The following GRIA2 variants were observed in gnomAD, a reference collection of about 807,000 sequenced individuals.
GRIA2 encodes glutamate ionotropic receptor AMPA type subunit 2, also known as glutamate receptor 2.
GRIA2 carries 14 observed loss-of-function variants against 97.3 expected under a neutral mutation model. The observed-to-expected ratio is 0.14, with a 90% CI of 0.10 to 0.23. The LOEUF is 0.23. GRIA2 is among the 10% of genes least tolerant of loss of function. The pLI is 1.00. For missense variants in GRIA2, 558 were observed against 1,069.8 expected, an observed-to-expected ratio of 0.52 and a Z score of 6.67; for synonymous variants, 412 against 387.8, an observed-to-expected ratio of 1.06 and a Z score of -0.73.
chr4:157,355,931 ATTTATATATT>A (rs1560781142), intron 12 of GRIA2, among the ~76,000 whole-genome samples: 3 of 42,426 alleles, frequency 7.1e-5, no homozygotes, highest in East Asian at 1.1e-3. Flanking sequence ...ATTTATATAT[ATTTATATATT>A]AATATATATT....
intron 2 of GRIA2, among the ~76,000 whole-genome samples, chr4:157,292,798 T>G (rs748536236): frequency 6.6e-6 from 1 of 152,144 alleles, no homozygotes; most frequent in Non-Finnish European, 1.5e-5. Flanking sequence ...TCAGGCTGCC[T>G]GGGTTGACAC....
At position 157,361,864 on chromosome 4, in the gene GRIA2, T is replaced by C. The variant is rs143751013; in HGVS notation, c.2406+740T>C. On this transcript the variant is annotated intron_variant, in intron 14 of 15. Transcript: ENST00000264426. The surrounding 1 kb of genome is among the most constrained non-coding windows in gnomAD (Gnocchi z 5.2). ...TTTTAAATATAGTATATGCATTTAA[T>C]ATATTTATTTCAGTCTGTGTTCATG... Among the ~76,000 whole-genome samples the C allele has an allele frequency of 2.6e-5, 4 of 152,338 alleles. No homozygotes were observed. In the East Asian group the frequency reaches 7.7e-4, roughly 29 times the overall value.
chr4:157,233,304 A>G (rs1730104751), intron 2 of GRIA2, among the ~76,000 whole-genome samples: 1 of 152,114 alleles, frequency 6.6e-6, no homozygotes, highest in African/African-American at 2.4e-5. Context: ...CTTCCCCTTT[A>G]TTGCATGTCA....
intron 2 of GRIA2, among the ~76,000 whole-genome samples, chr4:157,302,561 G>A (rs1733662123): frequency 6.6e-6 from 1 of 152,034 alleles, no homozygotes; most frequent in South Asian, 2.1e-4. Flanking sequence ...CTTTCTATCA[G>A]TAAGTTGGAA....
chr4:157,353,569 G>C (rs1404522770), intron 12 of GRIA2, among the ~76,000 whole-genome samples: 5 of 151,012 alleles, frequency 3.3e-5, no homozygotes, highest in African/African-American at 1.2e-4. Flanking sequence ...CCAGCTACTT[G>C]GGAGGCTGAG....
At chr4:157,249,586 A>G (rs1261520026) in intron 2 of GRIA2, 1 of 152,160 alleles carries the variant, frequency 6.6e-6, no homozygotes, top group African/African-American at 2.4e-5. Flanking sequence ...TCTGACTCTT[A>G]AAATAATCAT....
intron 2 of GRIA2, among the ~76,000 whole-genome samples, chr4:157,262,017 C>T (rs1731558121): frequency 2.0e-5 from 3 of 152,082 alleles, no homozygotes; most frequent in Admixed American, 2.0e-4. Flanking sequence ...TACCCTCTTG[C>T]TGGGAAATAT....
intron 11 of GRIA2, among the ~76,000 whole-genome samples, chr4:157,339,283 T>A (rs1416048577): frequency 6.6e-6 from 1 of 151,890 alleles, no homozygotes; most frequent in African/African-American, 2.4e-5. Context: ...TAAAAAGAAA[T>A]AAGAGCATAT....
In GRIA2 at chr4:157,336,367, TC is replaced by T; in HGVS notation, c.1474-7del. On this transcript the variant is annotated splice_polypyrimidine_tract_variant and intron_variant, in intron 10 of 15. Transcript: ENST00000264426. ...CCAGGTACTATTACTTTCCTTTTTT[TC>T]CCTTACAGAAAGCTGATATTGCAAT... 6.6e-7 allele frequency: 1 copy of T among 1,526,492 alleles called. No homozygotes were observed. The highest frequency in any genetic ancestry group is 8.8e-7 in the Non-Finnish European group (1 of 1,138,146). 94.6% of individuals were successfully genotyped at this position (1,526,492 alleles called of 1,614,324 possible).
At chr4:157,352,445 C>T (rs1015928781) in intron 12 of GRIA2, among the ~76,000 whole-genome samples, 14 of 152,020 alleles carry the variant, frequency 9.2e-5, no homozygotes, top group African/African-American at 3.1e-4. Flanking sequence ...TGACCAGGCA[C>T]GGTGGCTCAT....
At chr4:157,350,067 T>C (rs543716723) in intron 12 of GRIA2, among the ~76,000 whole-genome samples, 2 of 152,328 alleles carry the variant, frequency 1.3e-5, no homozygotes, top group South Asian at 4.1e-4. Context: ...ATTGACAATC[T>C]ATTCTGTTTT....
chr4:157,226,845 C>T (rs1472620886), intron 2 of GRIA2, among the ~76,000 whole-genome samples: 2 of 152,092 alleles, frequency 1.3e-5, no homozygotes, highest in Non-Finnish European at 2.9e-5. Flanking sequence ...AAACCATGAA[C>T]ACATGTGCCA....
chr4:157,223,492 G>T (rs961596263), intron 2 of GRIA2, among the ~76,000 whole-genome samples: 3 of 152,134 alleles, frequency 2.0e-5, no homozygotes, highest in Admixed American at 6.5e-5. Flanking sequence ...GACATACAAA[G>T]AAATCAACTT....
At chr4:157,335,407 CAAAG>C in intron 9 of GRIA2, 2 of 454,496 alleles carry the variant, frequency 4.4e-6, no homozygotes, top group South Asian at 4.6e-5. Flanking sequence ...AGAGAACATA[CAAAG>C]AGTTTGTGGT....
chr4:157,338,301 T>G (rs1397072929), intron 11 of GRIA2, among the ~76,000 whole-genome samples: 1 of 151,810 alleles, frequency 6.6e-6, no homozygotes, highest in East Asian at 1.9e-4. Context: ...TAATATCCTG[T>G]GCTATGTCTT....
intron 2 of GRIA2, among the ~76,000 whole-genome samples, chr4:157,244,610 G>C (rs1452886476): frequency 6.6e-6 from 1 of 151,956 alleles, no homozygotes; most frequent in East Asian, 1.9e-4. Flanking sequence ...ATTCTTACAG[G>C]GATGTAAGGT....
chr4:157,280,668 C>T (rs1458541486), intron 2 of GRIA2, among the ~76,000 whole-genome samples: 2 of 151,734 alleles, frequency 1.3e-5, no homozygotes, highest in South Asian at 2.1e-4. Context: ...AGGCTAGACT[C>T]GACTTCACAG....
intron 6 of GRIA2, among the ~76,000 whole-genome samples, chr4:157,325,815 C>A (rs773152755): frequency 5.9e-5 from 9 of 152,170 alleles, no homozygotes; most frequent in Non-Finnish European, 1.3e-4. Flanking sequence ...TTCAGCCAAC[C>A]TAAATCCCTA....
Position 157,341,181 on chromosome 4 carries a change from C to A in GRIA2, c.1845-83C>A, listed in dbSNP as rs1735530897. ...TAAAATTAAATATTCCCCTATAAGT[C>A]AATATTTGCATAATACTGCTAACTT... On this transcript the variant is annotated intron_variant, in intron 11 of 15. Coordinates refer to ENST00000264426, the MANE Select transcript of GRIA2 (RefSeq NM_001083619.3). 2.7e-5 allele frequency: 23 copies of A among 855,560 alleles called. 1 individual carries two copies. In the South Asian group the frequency reaches 2.9e-4, roughly 11 times the overall value. 53.0% of individuals were successfully genotyped at this position (855,560 alleles called of 1,614,324 possible).
Sources: allele counts gnomAD v4.1 joint callset (sites outside exome capture counted in the v4.1 genomes callset), GRCh38; gene constraint gnomAD v4.1.1; non-coding constraint Gnocchi (gnomAD v3.1); transcripts MANE v1.5; gene names NCBI Gene and HGNC (gene_info 2026-07-23, HGNC 2026-07-21).